The following NPTXR variants were observed in gnomAD, a reference collection of about 807,000 sequenced individuals.
NPTXR encodes the protein neuronal pentraxin receptor.
A neutral mutation model predicts 32.2 loss-of-function variants in NPTXR; 12 were observed. The observed-to-expected ratio is 0.37, with a 90% CI of 0.24 to 0.60. The LOEUF (loss-of-function observed/expected upper bound fraction) is 0.60, where lower values mean the gene tolerates loss of function less well. Among genes scored for constraint, NPTXR ranks in the 20% least tolerant of loss-of-function variants. The pLI, the probability that NPTXR is intolerant of heterozygous loss-of-function variation, is 0.66. For missense variants in NPTXR, 612 were observed against 682.9 expected (o/e 0.90, Z 1.16); for synonymous variants, 323 against 315.8 (o/e 1.02, Z -0.24).
At chr22:38,839,753 A>G (rs2093129396) in intron 1 of NPTXR, among the ~76,000 whole-genome samples, 1 of 152,220 alleles carries the variant, frequency 6.6e-6, no homozygotes, top group Non-Finnish European at 1.5e-5. Context: ...ACAAACAAAC[A>G]GCTCTCTGTA....
chr22:38,838,620 C>T (rs1054826794), intron 1 of NPTXR, among the ~76,000 whole-genome samples: 5 of 140,594 alleles, frequency 3.6e-5, no homozygotes, highest in Non-Finnish European at 6.1e-5. Flanking sequence ...CTCGCTCTGT[C>T]GCCCAGGCTG....
intron 3 of NPTXR, among the ~76,000 whole-genome samples, chr22:38,823,868 C>T (rs150792372): frequency 6.6e-6 from 1 of 152,324 alleles, no homozygotes; most frequent in Non-Finnish European, 1.5e-5. Context: ...CAGCACAGTG[C>T]TCTGGAAAGC....
intron 2 of NPTXR, among the ~76,000 whole-genome samples, chr22:38,827,213 A>G (rs1269674888): frequency 6.6e-6 from 1 of 151,692 alleles, no homozygotes; most frequent in Non-Finnish European, 1.5e-5. Flanking sequence ...TCCTCCAGGA[A>G]GCAGCTTGGA....
Position 38,831,257 on chromosome 22 carries a change from AT to A in NPTXR, c.625-2746del, listed in dbSNP as rs545986215. Among the ~76,000 whole-genome samples the A allele has an allele frequency of 9.9e-5, 15 of 152,234 alleles. 1 individual carries two copies. In the South Asian group the frequency reaches 3.1e-3, roughly 32 times the overall value. On this transcript the variant is annotated intron_variant, in intron 1 of 4. Coordinates refer to ENST00000333039, the MANE Select transcript of NPTXR (RefSeq NM_014293.4). The stretch of plus-strand genomic sequence containing the variant: ...CCCCATCTCTACAAGAAATACAAAG[AT>A]TAGCCAGGCATGGTGGTGCATGCCT...
intron 1 of NPTXR, among the ~76,000 whole-genome samples, chr22:38,830,332 G>A (rs559856934): frequency 6.6e-6 from 1 of 152,374 alleles, no homozygotes; most frequent in South Asian, 2.1e-4. Flanking sequence ...CTGGCCCACA[G>A]TGGGTGCCGG....
At chr22:38,840,803 C>T (rs985025145) in intron 1 of NPTXR, among the ~76,000 whole-genome samples, 20 of 151,934 alleles carry the variant, frequency 1.3e-4, no homozygotes, top group Admixed American at 1.3e-4. Context: ...AGGGCCAAGA[C>T]GGGCACATGC....
chr22:38,835,562 G>A (rs916788399), intron 1 of NPTXR, among the ~76,000 whole-genome samples: 5 of 152,124 alleles, frequency 3.3e-5, no homozygotes, highest in Non-Finnish European at 7.4e-5. Context: ...CGTGTCTAAA[G>A]ACCCCTCTGG....
At chr22:38,836,348 A>AC (rs962443833) in intron 1 of NPTXR, among the ~76,000 whole-genome samples, 7 of 152,140 alleles carry the variant, frequency 4.6e-5, no homozygotes. Context: ...ATCAGAAACA[A>AC]CCCACAGATC....
intron 4 of NPTXR, 124 bp downstream of exon 4, chr22:38,822,959 C>T (rs1440433283): frequency 9.0e-6 from 13 of 1,443,876 alleles, no homozygotes; most frequent in African/African-American, 4.2e-5. Context: ...GAAGCCCCAC[C>T]GCCAACGCTC....
At chr22:38,830,971 A>G (rs1468688553) in intron 1 of NPTXR, among the ~76,000 whole-genome samples, 2 of 152,196 alleles carry the variant, frequency 1.3e-5, no homozygotes, top group Non-Finnish European at 2.9e-5. Context: ...AGGCCAGGTG[A>G]AGGTGGGCAT....
At position 38,834,984 on chromosome 22, in the gene NPTXR, G is replaced by C. The variant is rs915382328; in HGVS notation, c.625-6472C>G. ...CCAGACTGCCTGGGTGGAAATGCCA[G>C]CTGAGTGAGCTGGACAAGCTTCTGA... On this transcript the variant is annotated intron_variant, in intron 1 of 4. Coordinates refer to ENST00000333039, the MANE Select transcript of NPTXR (RefSeq NM_014293.4). The surrounding 1 kb of genome is among the most constrained non-coding windows in gnomAD (Gnocchi z 4.4). Among the ~76,000 whole-genome samples the C allele has an allele frequency of 1.8e-4, 28 of 152,356 alleles. No homozygotes were observed. The highest frequency in any genetic ancestry group is 6.7e-4 in the African/African-American group (28 of 41,576).
rs1021102287 is a variant in NPTXR at position 38,834,192 on chromosome 22, T to C, written c.625-5680A>G. ...CTCCCTAGTCCTGGCTACTCTCCGCTGGACTGTGCCACAGCTTCCACTCCC... is the reference window on the plus strand; with the variant it reads ...CTCCCTAGTCCTGGCTACTCTCCGCCGGACTGTGCCACAGCTTCCACTCCC... On this transcript the variant is annotated intron_variant, in intron 1 of 4. Transcript: ENST00000333039. The surrounding 1 kb of genome is among the most constrained non-coding windows in gnomAD (Gnocchi z 4.4). Among the ~76,000 whole-genome samples, 1 of 152,136 alleles carries C rather than the reference T, an allele frequency of 6.6e-6. No individual in the cohort carries two copies. The highest frequency in any genetic ancestry group is 2.4e-5 in the African/African-American group (1 of 41,426).
At chr22:38,832,272 T>C (rs2093117461) in intron 1 of NPTXR, among the ~76,000 whole-genome samples, 3 of 152,200 alleles carry the variant, frequency 2.0e-5, no homozygotes, top group Non-Finnish European at 4.4e-5. Flanking sequence ...TCCCATCTGC[T>C]GTGGGCGCAG....
rs2093134035 is a variant in NPTXR, at chr22:38,843,144, G to A, written c.624+91C>T. 1 of 1,166,934 alleles carries A rather than the reference G, an allele frequency of 8.6e-7. No individual in the cohort carries two copies. The highest frequency in any genetic ancestry group is 1.1e-6 in the Non-Finnish European group (1 of 928,418). The allele number at this position is 1,166,934 out of a possible 1,614,324, so 72.3% of individuals were successfully genotyped here. ...GCGATCGTCCCCGGAACACAGACGG[G>A]AGACCGGAGGCTCGGGGACCGCCGG... On this transcript the variant is annotated intron_variant, in intron 1 of 4. Transcript: ENST00000333039. The surrounding 1 kb of genome is among the most constrained non-coding windows in gnomAD (Gnocchi z 5.3).
chr22:38,830,432 T>G (rs548942135), intron 1 of NPTXR, among the ~76,000 whole-genome samples: 116 of 152,246 alleles, frequency 7.6e-4, no homozygotes, highest in African/African-American at 2.7e-3. Flanking sequence ...CTTGCAAACA[T>G]TCCCTCTCTG....
intron 1 of NPTXR, among the ~76,000 whole-genome samples, chr22:38,841,204 A>C (rs934131870): frequency 1.5e-4 from 23 of 152,180 alleles, no homozygotes; most frequent in African/African-American, 5.3e-4. Context: ...CCCCCAAAAG[A>C]CTAGCTGTGG....
At chr22:38,833,954 T>C (rs112761164) in intron 1 of NPTXR, among the ~76,000 whole-genome samples, 1 of 152,204 alleles carries the variant, frequency 6.6e-6, no homozygotes, top group Admixed American at 6.5e-5. Flanking sequence ...TTCTTGAGCC[T>C]GGGCAGGGGC....
intron 1 of NPTXR, among the ~76,000 whole-genome samples, chr22:38,835,772 G>A (rs1039579269): frequency 4.6e-5 from 7 of 152,160 alleles, no homozygotes; most frequent in African/African-American, 1.7e-4. Context: ...CTCTGTGGCT[G>A]TGGGCAGGTC....
At chr22:38,842,220 GGGT>G (rs1384494320) in intron 1 of NPTXR, among the ~76,000 whole-genome samples, 28 of 152,344 alleles carry the variant, frequency 1.8e-4, no homozygotes, top group Non-Finnish European at 7.3e-5. Flanking sequence ...CACTCCACCT[GGGT>G]GGAGGTAGCA....
Sources: allele counts gnomAD v4.1 joint callset (sites outside exome capture counted in the v4.1 genomes callset), GRCh38; gene constraint gnomAD v4.1.1; non-coding constraint Gnocchi (gnomAD v3.1); transcripts MANE v1.5; gene names NCBI Gene and HGNC (gene_info 2026-07-23, HGNC 2026-07-21).